Variants in COX7B2 observed in about 807,000 individuals in gnomAD.
The protein encoded by COX7B2 is cytochrome c oxidase subunit 7B2.
For missense variants in COX7B2, 109 were observed against 95.9 expected (o/e 1.14, Z -0.57); for synonymous variants, 37 against 32.1 (o/e 1.15, Z -0.51).
At chr4:46,747,737 A>G (rs765779291) in intron 2 of COX7B2, among the ~76,000 whole-genome samples, 1 of 152,194 alleles carries the variant, frequency 6.6e-6, no homozygotes, top group Non-Finnish European at 1.5e-5. Flanking sequence ...TCAAATTCCT[A>G]ATGACAGCAT....
chr4:46,870,928 T>C (rs1717952135), intron 1 of COX7B2, among the ~76,000 whole-genome samples: 1 of 151,974 alleles, frequency 6.6e-6, no homozygotes, highest in South Asian at 2.1e-4. Context: ...AATTTACAGA[T>C]TTAATGCTAT....
intron 2 of COX7B2, among the ~76,000 whole-genome samples, chr4:46,752,340 G>A: frequency 6.6e-6 from 1 of 151,162 alleles, no homozygotes; most frequent in Non-Finnish European, 1.5e-5. Context: ...GGGTTTTCTA[G>A]ATATACAATC....
intron 2 of COX7B2, among the ~76,000 whole-genome samples, chr4:46,763,332 T>C (rs1716338957): frequency 6.7e-6 from 1 of 149,874 alleles, no homozygotes; most frequent in Non-Finnish European, 1.5e-5. Context: ...TAGCTATTGC[T>C]TCTTTTCTCA....
At chr4:46,769,769 C>T (rs1716764044) in intron 2 of COX7B2, among the ~76,000 whole-genome samples, 1 of 151,792 alleles carries the variant, frequency 6.6e-6, no homozygotes. Flanking sequence ...ATCTTAAATG[C>T]AGAAAAAAAT....
At chr4:46,745,662 G>C (rs1008729446) in intron 2 of COX7B2, among the ~76,000 whole-genome samples, 7 of 152,100 alleles carry the variant, frequency 4.6e-5, no homozygotes, top group Non-Finnish European at 1.5e-5. Flanking sequence ...CAGTGAGACA[G>C]GATGCACTTT....
chr4:46,836,755 C>T (rs1242629672), intron 2 of COX7B2, among the ~76,000 whole-genome samples: 1 of 152,054 alleles, frequency 6.6e-6, no homozygotes, highest in Non-Finnish European at 1.5e-5. Flanking sequence ...TTATTTACAG[C>T]AGCATCACCA....
At chr4:46,836,095 T>C (rs1715495836) in intron 2 of COX7B2, among the ~76,000 whole-genome samples, 1 of 152,136 alleles carries the variant, frequency 6.6e-6, no homozygotes, top group African/African-American at 2.4e-5. Flanking sequence ...GAGTGCTGAG[T>C]GAGTGTGAAG....
At chr4:46,909,034 G>A (rs1261572085) in intron 1 of COX7B2, 126 bp downstream of exon 1, 7 of 150,522 alleles carry the variant, frequency 4.7e-5, no homozygotes, top group Admixed American at 3.3e-4. Context: ...GACAGAGTGA[G>A]ACTCCGTCTC....
chr4:46,904,918 C>T (rs899466801), intron 1 of COX7B2, among the ~76,000 whole-genome samples: 1 of 152,140 alleles, frequency 6.6e-6, no homozygotes, highest in Non-Finnish European at 1.5e-5. Context: ...AAAGACAACA[C>T]ATTAGGTATG....
chr4:46,803,557 TA>T (rs1718783118), intron 2 of COX7B2, among the ~76,000 whole-genome samples: 1 of 152,160 alleles, frequency 6.6e-6, no homozygotes, highest in South Asian at 2.1e-4. Flanking sequence ...TCAAACTATG[TA>T]ATTATATGCT....
intron 2 of COX7B2, among the ~76,000 whole-genome samples, chr4:46,759,914 AGTTATATAAGTCTTATCTTATAT>A (rs1236835319): frequency 7.4e-5 from 11 of 149,120 alleles, no homozygotes; most frequent in Middle Eastern, 3.5e-3. Context: ...ATCTTATATA[AGTTATATAAGTCTTATCTTATAT>A]GTTATATAAG....
intron 2 of COX7B2, among the ~76,000 whole-genome samples, chr4:46,776,323 A>G (rs950080968): frequency 6.6e-6 from 1 of 151,984 alleles, no homozygotes; most frequent in African/African-American, 2.4e-5. Context: ...TTTCCTGTTA[A>G]AATATCTGGA....
chr4:46,769,542 C>A lies in COX7B2; in HGVS notation c.-49-34301G>T, dbSNP rs189053911. Among the ~76,000 whole-genome samples, 498 of 152,088 alleles carry A rather than the reference C, an allele frequency of 3.3e-3. 2 individuals are homozygous for A. The highest frequency in any genetic ancestry group is 6.2e-3 in the Non-Finnish European group (423 of 67,996). ...CCAGCCTGGCCAATATGGTGAAACC[C>A]CGTCTCTACTAAAAGTACAAAAAAA... On this transcript the variant is annotated intron_variant, in intron 2 of 2. Transcript: ENST00000355591.
intron 1 of COX7B2, among the ~76,000 whole-genome samples, chr4:46,846,306 A>G (rs1180955341): frequency 6.6e-6 from 1 of 152,050 alleles, no homozygotes; most frequent in Non-Finnish European, 1.5e-5. Context: ...TGAAACTCAC[A>G]TTCTAGTAGG....
At chr4:46,749,832 C>G (rs1415631097) in intron 2 of COX7B2, among the ~76,000 whole-genome samples, 2 of 152,174 alleles carry the variant, frequency 1.3e-5, no homozygotes, top group Admixed American at 6.6e-5. Flanking sequence ...GTATAGCACT[C>G]TAACACACTG....
chr4:46,907,839 T>C (rs191858291), intron 1 of COX7B2, among the ~76,000 whole-genome samples: 223 of 147,552 alleles, frequency 1.5e-3, no homozygotes, highest in African/African-American at 5.3e-3. Context: ...AGATCAGAAT[T>C]TGAGCAGACT....
chr4:46,880,105 T>C (rs1317017387), intron 1 of COX7B2, among the ~76,000 whole-genome samples: 1 of 152,206 alleles, frequency 6.6e-6, no homozygotes, highest in African/African-American at 2.4e-5. Flanking sequence ...TAGGTGGCTC[T>C]TGCTGTTTTG....
At chr4:46,874,563 G>T (rs1008410550) in intron 1 of COX7B2, among the ~76,000 whole-genome samples, 9 of 151,832 alleles carry the variant, frequency 5.9e-5, no homozygotes, top group Non-Finnish European at 7.4e-5. Flanking sequence ...CTCTTGTGTG[G>T]TTTTTTTTGT....
intron 2 of COX7B2, among the ~76,000 whole-genome samples, chr4:46,746,313 A>G (rs1487200538): frequency 1.3e-5 from 2 of 152,228 alleles, no homozygotes; most frequent in Admixed American, 1.3e-4. Flanking sequence ...ACTCTATTTG[A>G]GGAAGAGGCA....
Sources: allele counts gnomAD v4.1 joint callset (sites outside exome capture counted in the v4.1 genomes callset), GRCh38; gene constraint gnomAD v4.1.1; transcripts MANE v1.5; gene names NCBI Gene and HGNC (gene_info 2026-07-23, HGNC 2026-07-21).